ALDH1L2: variants seen among roughly 807,000 people sequenced by gnomAD.
The protein encoded by ALDH1L2 is aldehyde dehydrogenase 1 family member L2.
In ALDH1L2, 91 loss-of-function variants were observed where a neutral mutation model predicts 111.0. The ratio of observed to expected loss-of-function variants is 0.82; its 90% CI spans 0.69 to 0.98. The LOEUF is 0.98. Ranked by LOEUF, ALDH1L2 falls within the 50% of genes least tolerant of loss-of-function variation. The pLI, the probability that ALDH1L2 is intolerant of heterozygous loss-of-function variation, is 0.00. For synonymous variants in ALDH1L2, 374 were observed against 392.6 expected (o/e 0.95, Z 0.56); for missense variants, 995 against 1,126.8 (o/e 0.88, Z 1.67).
chr12:105,035,366 C>T (rs887048205), intron 18 of ALDH1L2, among the ~76,000 whole-genome samples: 1 of 152,012 alleles, frequency 6.6e-6, no homozygotes, highest in Non-Finnish European at 1.5e-5. Context: ...CTCTGTCGCC[C>T]AGGCTGGAGT....
Position 105,068,856 on chromosome 12 carries a change from C to A in ALDH1L2, c.457G>T (p.Gly153Trp), listed in dbSNP as rs777464441. The A allele has an allele frequency of 6.3e-7, 1 of 1,581,938 alleles. No homozygotes were observed. The highest frequency in any genetic ancestry group is 1.4e-5 in the African/African-American group (1 of 72,972). ...TCATCAGCCCAGAAAACAGAAAACCCAGCTTTCTTATCTCCCATAATTAGA... is the reference window on the plus strand; with the variant it reads ...TCATCAGCCCAGAAAACAGAAAACCAAGCTTTCTTATCTCCCATAATTAGA... ...WTLIMGDKKAGFSVFWADDGL... is the reference protein window; with the variant it reads ...WTLIMGDKKAWFSVFWADDGL... The change falls in exon 4 of 23, where the codon GGG becomes TGG. Residue 153 changes from glycine to tryptophan, a missense_variant. Transcript: ENST00000258494.
At chr12:105,029,093 C>T (rs1874570176) in intron 21 of ALDH1L2, among the ~76,000 whole-genome samples, 1 of 148,896 alleles carries the variant, frequency 6.7e-6, no homozygotes, top group African/African-American at 2.5e-5. Flanking sequence ...GTGGCACAAT[C>T]ATAGCTCACT....
chr12:105,060,948 A>G (rs774091317), intron 9 of ALDH1L2, 33 bp downstream of exon 9: 1 of 1,583,156 alleles, frequency 6.3e-7, no homozygotes, highest in African/African-American at 1.3e-5. Flanking sequence ...TAGTGAGGGA[A>G]TCCCTAGTGA....
intron 7 of ALDH1L2, among the ~76,000 whole-genome samples, chr12:105,062,166 T>C (rs1045721832): frequency 1.8e-4 from 28 of 152,176 alleles, no homozygotes; most frequent in African/African-American, 6.5e-4. Context: ...AAAAAAAGAA[T>C]GCATGCATGT....
At position 105,021,844 on chromosome 12, in the gene ALDH1L2, A is replaced by G. The variant is rs1028284447; in HGVS notation, c.*2580T>C. The G allele has an allele frequency of 2.6e-5, 4 of 152,194 alleles. No individual in the cohort carries two copies. The highest frequency in any genetic ancestry group is 1.3e-4 in the Admixed American group (2 of 15,266). The allele number at this position is 152,194 out of a possible 1,614,324, so 9.4% of individuals were successfully genotyped here. ...AATTTTAGTACAAGTGGTAAGTGCT[A>G]TGTTTGAAACAAGTGGGAACGCTGA... On this transcript the variant is annotated 3_prime_UTR_variant, in exon 23 of 23. Coordinates refer to ENST00000258494, the MANE Select transcript of ALDH1L2 (RefSeq NM_001034173.4).
At chr12:105,045,196 G>C (rs1010232070) in intron 15 of ALDH1L2, among the ~76,000 whole-genome samples, 2 of 152,100 alleles carry the variant, frequency 1.3e-5, no homozygotes, top group Admixed American at 6.6e-5. Context: ...CGATTCTCCT[G>C]CCTCAGCCTC....
chr12:105,052,021 A>G (rs1205068546), intron 12 of ALDH1L2, 69 bp downstream of exon 12: 62 of 1,334,450 alleles, frequency 4.6e-5, no homozygotes, highest in Non-Finnish European at 5.5e-5. Flanking sequence ...CAGCCTGGCC[A>G]ACGTAGTGAA....
At chr12:105,077,505 C>T (rs1354961137) in intron 1 of ALDH1L2, among the ~76,000 whole-genome samples, 1 of 151,580 alleles carries the variant, frequency 6.6e-6, no homozygotes, top group Non-Finnish European at 1.5e-5. Context: ...TCTCAAATTC[C>T]CGAGCTCAGG....
intron 17 of ALDH1L2, among the ~76,000 whole-genome samples, chr12:105,039,173 T>C (rs1024546915): frequency 5.9e-5 from 9 of 152,214 alleles, no homozygotes; most frequent in Non-Finnish European, 1.3e-4. Context: ...TACAATGTTA[T>C]ACTTTATTTT....
At chr12:105,057,155 G>C (rs980420142) in intron 10 of ALDH1L2, among the ~76,000 whole-genome samples, 1 of 152,084 alleles carries the variant, frequency 6.6e-6, no homozygotes, top group South Asian at 2.1e-4. Context: ...ATAAGTATAT[G>C]AGAAGATGCT....
intron 22 of ALDH1L2, 127 bp from the exon 23 acceptor site, chr12:105,024,606 GCTT>G: frequency 1.1e-6 from 1 of 879,382 alleles, no homozygotes; most frequent in Non-Finnish European, 1.8e-6. Flanking sequence ...CTAAGCCAGT[GCTT>G]CTCACACTTT....
rs1565957082 is a variant in ALDH1L2, at chr12:105,046,209, ATATATATATATATTT to A, written c.1863+486_1863+500del. Among the ~76,000 whole-genome samples the A allele has an allele frequency of 2.8e-3, 150 of 52,760 alleles. 2 individuals carry two copies. Among genetic ancestry groups the A allele is most frequent in the Middle Eastern group, 0.013 (1 of 78 alleles). The allele number at this position is 52,760 out of a possible 152,430, so 34.6% of individuals were successfully genotyped here. A position where few individuals can be genotyped will look rare whatever the true frequency, so the allele number is the denominator to read the frequency against. ...TCTCTCTCTCTATATATATATATAT[ATATATATATATATTT>A]TTTTTTTTTTTTTTTTTTTTTTTTT... On this transcript the variant is annotated intron_variant, in intron 15 of 22. Transcript: ENST00000258494.
At chr12:105,024,515 AG>A (rs1353239276) in intron 22 of ALDH1L2, 36 bp from the exon 23 acceptor site, 2 of 1,598,890 alleles carry the variant, frequency 1.3e-6, no homozygotes, top group East Asian at 4.5e-5. Flanking sequence ...GACCACATTC[AG>A]AGGCAGACAT....
chr12:105,040,596 T>C lies in ALDH1L2; in HGVS notation c.1951+11A>G. ...ATTAGTTATAGCACAGTCGGTCATT[T>C]AGTGGCTTACCTGAGCCTGGAATGA... On this transcript the variant is annotated intron_variant, in intron 16 of 22. Transcript: ENST00000258494. 6.2e-7 allele frequency: 1 copy of C among 1,613,866 alleles called. No individual in the cohort carries two copies. The highest frequency in any genetic ancestry group is 8.5e-7 in the Non-Finnish European group (1 of 1,179,764).
chr12:105,073,860 C>A lies in ALDH1L2; in HGVS notation c.193+1G>T, dbSNP rs772473589. On this transcript the variant is annotated splice_donor_variant, in intron 2 of 22. Coordinates refer to ENST00000258494, the MANE Select transcript of ALDH1L2 (RefSeq NM_001034173.4). LOFTEE classifies it high-confidence loss of function. ...ACCCAGTCATCCCAAGATGCACTCACCCAGAGGGTCAGCTTTTCCATCCTT... is the reference window on the plus strand; with the variant it reads ...ACCCAGTCATCCCAAGATGCACTCAACCAGAGGGTCAGCTTTTCCATCCTT... 3.7e-6 allele frequency: 6 copies of A among 1,613,942 alleles called. No individual in the cohort carries two copies. The East Asian group carries it at 1.3e-4, about 36-fold the overall frequency.
intron 18 of ALDH1L2, among the ~76,000 whole-genome samples, chr12:105,035,839 A>ATG (rs1159145670): frequency 0.1 from 9,987 of 100,120 alleles, 1,293 homozygotes; most frequent in African/African-American, 0.11. Flanking sequence ...ATATATATAT[A>ATG]TGTGTGTGTG....
rs760634485 is a variant in ALDH1L2 at position 105,050,059 on chromosome 12, C to T, written c.1536-1G>A. On this transcript the variant is annotated splice_acceptor_variant, in intron 12 of 22. Coordinates refer to ENST00000258494, the MANE Select transcript of ALDH1L2 (RefSeq NM_001034173.4). LOFTEE classifies it high-confidence loss of function. The stretch of plus-strand genomic sequence containing the variant: ...GTTCTCTTCCAGTAGGTCTGCAAGT[C>T]TGTGTGGTCAGTGAAAGAAATAAAT... The T allele has an allele frequency of 1.3e-5, 20 of 1,582,562 alleles. No homozygotes were observed. Among genetic ancestry groups the T allele is most frequent in the Non-Finnish European group, 1.7e-5 (20 of 1,165,288 alleles).
rs1875961189 is a variant in ALDH1L2, at chr12:105,046,952, G to A, written c.1704C>T (p.Ile568=). 1 of 1,614,092 alleles carries A rather than the reference G, an allele frequency of 6.2e-7. No individual in the cohort carries two copies. The highest frequency in any genetic ancestry group is 8.5e-7 in the Non-Finnish European group (1 of 1,179,962). The stretch of plus-strand genomic sequence containing the variant: ...GATTGCGATTTGGACGGGCCTGGTT[G>A]ATTGGAATAGTAGAACCCTAAAGAA... ...CDKIQGSTIP[I]NQARPNRNLT... The change falls in exon 14 of 23, where the codon ATC becomes ATT. Residue 568 remains isoleucine, a synonymous_variant. Transcript: ENST00000258494.
At chr12:105,042,636 AG>A (rs1469118375) in intron 15 of ALDH1L2, among the ~76,000 whole-genome samples, 1 of 152,188 alleles carries the variant, frequency 6.6e-6, no homozygotes, top group African/African-American at 2.4e-5. Flanking sequence ...TGCTTCCAAA[AG>A]TCAGGACTAT....
Sources: gnomAD v4.1 joint callset for allele counts (sites outside exome capture counted in the v4.1 genomes callset) on GRCh38, gnomAD v4.1.1 for gene constraint, MANE v1.5 for transcripts, NCBI Gene and HGNC (gene_info 2026-07-23, HGNC 2026-07-21) for gene names.